The following NEGR1 variants were observed in gnomAD, a reference collection of about 807,000 sequenced individuals.
NEGR1 encodes IgLON family member 4.
NEGR1 carries 10 observed loss-of-function variants against 40.9 expected under a neutral mutation model. The observed-to-expected ratio is 0.24, with a 90% CI of 0.15 to 0.42. The LOEUF (loss-of-function observed/expected upper bound fraction) is 0.42. Among genes scored for constraint, NEGR1 ranks in the 10% least tolerant of loss-of-function variants. NEGR1 has a pLI of 1.00. For missense variants in NEGR1, 352 were observed against 438.9 expected (o/e 0.80, Z 1.77); for synonymous variants, 185 against 166.8 (o/e 1.11, Z -0.84).
At chr1:71,612,480 G>A (rs148874608) in intron 4 of NEGR1, among the ~76,000 whole-genome samples, 62 of 152,182 alleles carry the variant, frequency 4.1e-4, no homozygotes, top group African/African-American at 1.4e-3. Flanking sequence ...GAACAAAGCA[G>A]TAAATTGCCC....
intron 1 of NEGR1, among the ~76,000 whole-genome samples, chr1:72,278,701 T>G (rs772341761): frequency 6.6e-6 from 1 of 151,974 alleles, no homozygotes; most frequent in Non-Finnish European, 1.5e-5. Flanking sequence ...CCATGACACA[T>G]TAACTCAGAT....
intron 5 of NEGR1, among the ~76,000 whole-genome samples, chr1:71,606,367 G>A (rs1017626279): frequency 6.6e-6 from 1 of 152,154 alleles, no homozygotes; most frequent in Non-Finnish European, 1.5e-5. Flanking sequence ...GCCTTCAGAT[G>A]AGCAGCACCA....
At chr1:71,940,716 A>G (rs1010320350) in intron 1 of NEGR1, among the ~76,000 whole-genome samples, 2 of 152,170 alleles carry the variant, frequency 1.3e-5, no homozygotes, top group African/African-American at 4.8e-5. Context: ...GGAAAATTCT[A>G]ACAGAATATG....
intron 2 of NEGR1, among the ~76,000 whole-genome samples, chr1:71,927,578 C>G (rs71651500): frequency 9.9e-5 from 15 of 151,928 alleles, no homozygotes; most frequent in Non-Finnish European, 1.9e-4. Flanking sequence ...CATAACTATT[C>G]TAAATTGTTT....
At chr1:72,155,331 C>T (rs1442953864) in intron 1 of NEGR1, among the ~76,000 whole-genome samples, 1 of 151,970 alleles carries the variant, frequency 6.6e-6, no homozygotes, top group African/African-American at 2.4e-5. Context: ...CATAATATGT[C>T]CAAATCACAA....
intron 1 of NEGR1, among the ~76,000 whole-genome samples, chr1:72,073,844 T>C (rs2100514718): frequency 6.6e-6 from 1 of 150,626 alleles, no homozygotes; most frequent in Admixed American, 6.6e-5. Flanking sequence ...GAAAGAAAAA[T>C]GGAAAATAAT....
intron 2 of NEGR1, among the ~76,000 whole-genome samples, chr1:71,777,525 C>G (rs1033618715): frequency 6.6e-6 from 1 of 152,068 alleles, no homozygotes; most frequent in Non-Finnish European, 1.5e-5. Flanking sequence ...AAAATTTATA[C>G]TATGTTACTA....
chr1:71,707,521 T>G (rs1653941245), intron 3 of NEGR1, among the ~76,000 whole-genome samples: 1 of 152,196 alleles, frequency 6.6e-6, no homozygotes, highest in South Asian at 2.1e-4. Flanking sequence ...TTTCTGACTC[T>G]AGTCCCTGAC....
intron 1 of NEGR1, among the ~76,000 whole-genome samples, chr1:72,080,558 T>C (rs879628104): frequency 5.9e-5 from 9 of 152,156 alleles, no homozygotes; most frequent in Non-Finnish European, 1.0e-4. Context: ...TAGTGAATTA[T>C]GCACTAGGCA....
At chr1:71,874,898 C>A (rs1660381190) in intron 2 of NEGR1, among the ~76,000 whole-genome samples, 1 of 152,020 alleles carries the variant, frequency 6.6e-6, no homozygotes, top group Non-Finnish European at 1.5e-5. Flanking sequence ...GGCTGGAATG[C>A]AGTAACATAA....
chr1:72,068,964 A>G (rs1448891335), intron 1 of NEGR1, among the ~76,000 whole-genome samples: 1 of 152,188 alleles, frequency 6.6e-6, no homozygotes, highest in Non-Finnish European at 1.5e-5. Flanking sequence ...ATGTTGGTCA[A>G]TTAACACTCG....
At chr1:72,135,397 C>CAAAACAAAAAAAAAA (rs1650419677) in intron 1 of NEGR1, among the ~76,000 whole-genome samples, 1 of 26,642 alleles carries the variant, frequency 3.8e-5, no homozygotes, top group African/African-American at 1.3e-4. Flanking sequence ...AAACAAAAAA[C>CAAAACAAAAAAAAAA]AAAAAACAAA....
At chr1:71,586,518 T>A (rs553564313) in intron 6 of NEGR1, among the ~76,000 whole-genome samples, 1 of 152,290 alleles carries the variant, frequency 6.6e-6, no homozygotes, top group Non-Finnish European at 1.5e-5. Flanking sequence ...ATCTGAGACA[T>A]CTTCTAGCTC....
chr1:72,074,679 T>G (rs1471698327), intron 1 of NEGR1, among the ~76,000 whole-genome samples: 1 of 152,162 alleles, frequency 6.6e-6, no homozygotes, highest in Non-Finnish European at 1.5e-5. Flanking sequence ...AAGCATAATT[T>G]TATTAAAATT....
At chr1:71,792,865 A>G (rs1322068993) in intron 2 of NEGR1, among the ~76,000 whole-genome samples, 1 of 152,124 alleles carries the variant, frequency 6.6e-6, no homozygotes, top group Non-Finnish European at 1.5e-5. Context: ...CTTTTGTAGT[A>G]GAGAAATATC....
At chr1:72,269,878 T>C (rs955481913) in intron 1 of NEGR1, among the ~76,000 whole-genome samples, 10 of 151,776 alleles carry the variant, frequency 6.6e-5, no homozygotes, top group African/African-American at 2.4e-4. Flanking sequence ...GCCAAATATG[T>C]AATCTCATTT....
chr1:71,616,652 A>C (rs1344529673), intron 4 of NEGR1, among the ~76,000 whole-genome samples: 1 of 152,156 alleles, frequency 6.6e-6, no homozygotes, highest in African/African-American at 2.4e-5. Flanking sequence ...TTAAGTCAGA[A>C]TCTGACACTT....
At chr1:71,559,263 G>A (rs1365974547) in intron 6 of NEGR1, among the ~76,000 whole-genome samples, 1 of 151,126 alleles carries the variant, frequency 6.6e-6, no homozygotes, top group Non-Finnish European at 1.5e-5. Flanking sequence ...TTTCAGAACT[G>A]TAACACATAA....
chr1:71,796,460 T>A, intron 2 of NEGR1, among the ~76,000 whole-genome samples: 1 of 152,216 alleles, frequency 6.6e-6, no homozygotes, highest in Admixed American at 6.5e-5. Flanking sequence ...TTGTGCATTT[T>A]CATCAAATTC....
Sources: gnomAD v4.1 joint callset for allele counts (sites outside exome capture counted in the v4.1 genomes callset) on GRCh38, gnomAD v4.1.1 for gene constraint, MANE v1.5 for transcripts, NCBI Gene and HGNC (gene_info 2026-07-23, HGNC 2026-07-21) for gene names.